Variants in TLN2 observed in about 807,000 individuals in gnomAD.
TLN2 encodes the protein talin 2, also known as talin-2.
TLN2 carries 118 observed loss-of-function variants against 294.7 expected under a neutral mutation model. That is an observed-to-expected ratio of 0.40 (90% CI 0.34 to 0.47). The LOEUF (loss-of-function observed/expected upper bound fraction) is 0.47. Among genes scored for constraint, TLN2 ranks in the 20% least tolerant of loss-of-function variants. The pLI, the probability that TLN2 is intolerant of heterozygous loss-of-function variation, is 0.84. For synonymous variants in TLN2, 1,431 were observed against 1,304.5 expected (o/e 1.10, Z -2.09); for missense variants, 3,083 against 3,282.2 (o/e 0.94, Z 1.48).
At chr15:62,484,603 C>T (rs937360672) in intron 1 of TLN2, among the ~76,000 whole-genome samples, 1 of 151,902 alleles carries the variant, frequency 6.6e-6, no homozygotes, top group African/African-American at 2.4e-5. Context: ...TTTTATGTAC[C>T]TTTTGTAGAG....
At chr15:62,493,717 T>C (rs1260518450) in intron 1 of TLN2, among the ~76,000 whole-genome samples, 2 of 151,770 alleles carry the variant, frequency 1.3e-5, no homozygotes, top group Non-Finnish European at 2.9e-5. Context: ...TTCAAGCGAT[T>C]CTCCTGCCTT....
intron 1 of TLN2, among the ~76,000 whole-genome samples, chr15:62,558,515 C>T (rs776318967): frequency 2.6e-5 from 4 of 151,920 alleles, no homozygotes; most frequent in African/African-American, 9.7e-5. Flanking sequence ...GAACAGACCC[C>T]GTTCTTAGTT....
intron 19 of TLN2, among the ~76,000 whole-genome samples, chr15:62,706,723 G>C (rs2059097328): frequency 2.0e-5 from 3 of 152,192 alleles, no homozygotes. Context: ...GTGGCATCTG[G>C]ATATGTTTTC....
chr15:62,609,464 C>T (rs544269599), intron 2 of TLN2, among the ~76,000 whole-genome samples: 13 of 152,246 alleles, frequency 8.5e-5, no homozygotes, highest in East Asian at 1.9e-4. Flanking sequence ...TGTCTTGTGC[C>T]GTTAGTCTCC....
At chr15:62,636,947 T>C (rs566068550) in intron 3 of TLN2, among the ~76,000 whole-genome samples, 1 of 152,272 alleles carries the variant, frequency 6.6e-6, no homozygotes, top group South Asian at 2.1e-4. Context: ...TGAGCACTTG[T>C]AGAACAAAGC....
intron 1 of TLN2, among the ~76,000 whole-genome samples, chr15:62,465,794 A>G (rs1186916239): frequency 6.6e-6 from 1 of 152,244 alleles, no homozygotes; most frequent in South Asian, 2.1e-4. Context: ...ATTTTATTGT[A>G]AAGCATTTTT....
At chr15:62,496,056 A>G (rs1267973884) in intron 1 of TLN2, among the ~76,000 whole-genome samples, 1 of 152,208 alleles carries the variant, frequency 6.6e-6, no homozygotes, top group African/African-American at 2.4e-5. Flanking sequence ...TAGCTTTGGA[A>G]GGCAATTGTA....
intron 1 of TLN2, among the ~76,000 whole-genome samples, chr15:62,393,668 G>A (rs289155): frequency 6.8e-4 from 104 of 152,114 alleles, no homozygotes; most frequent in Admixed American, 4.6e-4. Context: ...GTTATGCTTT[G>A]TAACTATGTA....
At chr15:62,836,542 C>T (rs1010036144) in intron 57 of TLN2, among the ~76,000 whole-genome samples, 1 of 152,188 alleles carries the variant, frequency 6.6e-6, no homozygotes, top group Non-Finnish European at 1.5e-5. Flanking sequence ...TAACTCGGTG[C>T]CTGCTTCAGA....
At chr15:62,644,684 T>G (rs1331498233) in intron 3 of TLN2, 1 of 427,846 alleles carries the variant, frequency 2.3e-6, no homozygotes, top group Non-Finnish European at 4.6e-6. Context: ...CAGGGCTCCC[T>G]CCTTTGATTC....
Position 62,456,800 on chromosome 15 carries a change from C to T in TLN2, c.-238+66115C>T, listed in dbSNP as rs75459400. Among the ~76,000 whole-genome samples, 1,088 of 152,324 alleles carry T rather than the reference C, an allele frequency of 7.1e-3. 7 individuals carry two copies. The highest frequency in any genetic ancestry group is 0.017 in the South Asian group (82 of 4,826). Reference sequence around the variant, plus strand: ...CCATTTCTGTTTCCTGGGGTTTACTCTTCCATCCGTTGTCTCACTGCACAG... The same window carrying T: ...CCATTTCTGTTTCCTGGGGTTTACTTTTCCATCCGTTGTCTCACTGCACAG... On this transcript the variant is annotated intron_variant, in intron 1 of 58. Coordinates refer to ENST00000636159, the MANE Select transcript of TLN2 (RefSeq NM_015059.3).
intron 1 of TLN2, among the ~76,000 whole-genome samples, chr15:62,581,337 T>G (rs999401630): frequency 2.6e-5 from 4 of 152,220 alleles, no homozygotes; most frequent in African/African-American, 9.7e-5. Flanking sequence ...AGCGCTTTTC[T>G]TTTTAGCACT....
chr15:62,549,933 G>A (rs2042204328), intron 1 of TLN2, among the ~76,000 whole-genome samples: 2 of 152,150 alleles, frequency 1.3e-5, no homozygotes, highest in South Asian at 4.2e-4. Flanking sequence ...TGCCACCTGA[G>A]ATTCTGATCA....
At chr15:62,694,152 T>A (rs965225308) in intron 13 of TLN2, among the ~76,000 whole-genome samples, 164 bp from the exon 14 acceptor site, 15 of 150,490 alleles carry the variant, frequency 1.0e-4, no homozygotes, top group African/African-American at 2.9e-4. Context: ...ATATATATAT[T>A]TTTTATTAGA....
chr15:62,555,156 T>C (rs1382918660), intron 1 of TLN2, among the ~76,000 whole-genome samples: 3 of 152,210 alleles, frequency 2.0e-5, no homozygotes, highest in African/African-American at 7.2e-5. Flanking sequence ...AAGCTTTTCC[T>C]GCAGAACATC....
intron 9 of TLN2, among the ~76,000 whole-genome samples, chr15:62,668,966 T>G (rs1268870048): frequency 6.6e-6 from 1 of 152,210 alleles, no homozygotes; most frequent in Non-Finnish European, 1.5e-5. Context: ...ACTTTGAACT[T>G]ACACATTTGT....
intron 40 of TLN2, among the ~76,000 whole-genome samples, chr15:62,764,576 C>T (rs529132531): frequency 1.3e-5 from 2 of 152,164 alleles, no homozygotes; most frequent in East Asian, 1.9e-4. Flanking sequence ...TATTAAAGTC[C>T]GTATGTATAT....
chr15:62,486,002 T>TA (rs1427791206), intron 1 of TLN2, among the ~76,000 whole-genome samples: 1 of 144,096 alleles, frequency 6.9e-6, no homozygotes, highest in Non-Finnish European at 1.5e-5. Context: ...ATTTCAAACT[T>TA]ACAGAAAAGT....
Position 62,727,133 on chromosome 15 carries a change from G to A in TLN2, c.3302G>A (p.Gly1101Asp). 1 of 1,614,208 alleles carries A rather than the reference G, an allele frequency of 6.2e-7. No homozygotes were observed. The highest frequency in any genetic ancestry group is 8.5e-7 in the Non-Finnish European group (1 of 1,180,040). Residue 1101 changes from glycine to aspartate, a missense_variant, in exon 28 of 59, where the codon GGC becomes GAC. By Grantham distance (94) the Gly-to-Asp change is moderately conservative. Coordinates refer to ENST00000636159, the MANE Select transcript of TLN2 (RefSeq NM_015059.3). ...QDLGSTSKAV[G>D]SSMAQLLTCA... is the part of the protein sequence containing the mutation. ...CTGGGAAGCACATCCAAGGCGGTGG[G>A]CTCCTCCATGGCACAGCTGCTGACC...
Sources: gnomAD v4.1 joint callset for allele counts (sites outside exome capture counted in the v4.1 genomes callset) on GRCh38, gnomAD v4.1.1 for gene constraint, MANE v1.5 for transcripts, NCBI Gene and HGNC (gene_info 2026-07-23, HGNC 2026-07-21) for gene names.